CMYA5: variants seen among roughly 807,000 people sequenced by gnomAD.
CMYA5 encodes cardiomyopathy-associated protein 5.
In CMYA5, 246 loss-of-function variants were observed where a neutral mutation model predicts 318.9. That is an observed-to-expected ratio of 0.77 (90% CI 0.70 to 0.86). The LOEUF (loss-of-function observed/expected upper bound fraction) is 0.86. Among genes scored for constraint, CMYA5 ranks in the 40% least tolerant of loss-of-function variants. CMYA5 has a pLI of 0.00. For missense variants in CMYA5, 4,589 were observed against 4,678.2 expected (o/e 0.98, Z 0.56); for synonymous variants, 1,641 against 1,729.5 (o/e 0.95, Z 1.27).
chr5:79,750,330 C>T (rs1828406792), intron 5 of CMYA5, among the ~76,000 whole-genome samples: 1 of 152,106 alleles, frequency 6.6e-6, no homozygotes, highest in South Asian at 2.1e-4. Flanking sequence ...TTTTCTTTAG[C>T]TTATTTGATT....
chr5:79,732,261 C>T lies in CMYA5; in HGVS notation c.3496C>T (p.Pro1166Ser), dbSNP rs780793382. ...QSSIVKEETK[P>S]ASPHSVLPDS... ...ATCTATAGTAAAGGAAGAAACCAAACCTGCATCTCCACATTCAGTTTTACC... is the reference window on the plus strand; with the variant it reads ...ATCTATAGTAAAGGAAGAAACCAAATCTGCATCTCCACATTCAGTTTTACC... The change falls in exon 2 of 13, where the codon CCT (proline) becomes TCT (serine). Residue 1166 changes from proline to serine, a missense_variant. Transcript: ENST00000446378. 44 of 1,613,780 alleles carry T rather than the reference C, an allele frequency of 2.7e-5. No homozygotes were observed. The highest frequency in any genetic ancestry group is 1.7e-4 in the Admixed American group (10 of 59,962).
intron 1 of CMYA5, among the ~76,000 whole-genome samples, chr5:79,697,538 C>G (rs948923662): frequency 2.0e-5 from 3 of 152,200 alleles, no homozygotes; most frequent in Non-Finnish European, 4.4e-5. Context: ...CTTCCAAGCA[C>G]TATCACTTGT....
chr5:79,778,813 G>GTGTGTGTGTGTGTGTGTGTGTGTGTGTA (rs1561228868), intron 9 of CMYA5, among the ~76,000 whole-genome samples: 1 of 99,990 alleles, frequency 1.0e-5, no homozygotes, highest in African/African-American at 5.5e-5. Flanking sequence ...CTCTCTTTCT[G>GTGTGTGTGTGTGTGTGTGTGTGTGTGTA]TGTGTGTGTG....
intron 2 of CMYA5, among the ~76,000 whole-genome samples, chr5:79,741,620 C>G (rs1474810007): frequency 6.6e-6 from 1 of 152,058 alleles, no homozygotes; most frequent in African/African-American, 2.4e-5. Context: ...AAATCTCAGA[C>G]GTCACATGCA....
Position 79,734,740 on chromosome 5 carries a change from A to G in CMYA5, c.5975A>G (p.Lys1992Arg). The change falls in exon 2 of 13, where the codon AAG becomes AGG. Residue 1992 changes from lysine to arginine, a missense_variant. Lys to Arg is a conservative substitution (Grantham distance 26). Around this residue, in one of 3 missense-constraint regions of CMYA5, gnomAD observed 2,431 missense variants for 2,495.1 expected, o/e 0.97. Coordinates refer to ENST00000446378, the MANE Select transcript of CMYA5 (RefSeq NM_153610.5). ...GAAGTAAAGCTGGCTGAAGAACCAA[A>G]GTCTTTAGTCCTAGCTGGAAATGTA... ...SEEVKLAEEP[K>R]SLVLAGNVER... The G allele has an allele frequency of 6.2e-7, 1 of 1,613,830 alleles. No individual in the cohort carries two copies. Among genetic ancestry groups the G allele is most frequent in the Non-Finnish European group, 8.5e-7 (1 of 1,179,806 alleles).
intron 1 of CMYA5, among the ~76,000 whole-genome samples, chr5:79,694,387 T>C (rs1827028277): frequency 6.6e-6 from 1 of 152,208 alleles, no homozygotes; most frequent in African/African-American, 2.4e-5. Flanking sequence ...CAGAAGTAAA[T>C]AGGACTGTTA....
At chr5:79,697,488 G>A (rs1827090048) in intron 1 of CMYA5, among the ~76,000 whole-genome samples, 1 of 152,236 alleles carries the variant, frequency 6.6e-6, no homozygotes, top group Non-Finnish European at 1.5e-5. Context: ...GCCCAGATAA[G>A]AGGAGGGAAA....
chr5:79,733,939 C>A lies in CMYA5; in HGVS notation c.5174C>A (p.Ser1725Ter). The change falls in exon 2 of 13, where the codon TCG becomes TAG. Residue 1725 changes from serine to a stop codon, truncating the protein, a stop_gained. Transcript: ENST00000446378. LOFTEE classifies it high-confidence loss of function. The part of the protein sequence containing the change: ...PFSPKIISLE[S>*]KEPPASVAEG... ...TCTCCCAAGATCATCAGCCTAGAGT[C>A]GAAAGAACCACCTGCCTCTGTAGCT... The A allele has an allele frequency of 6.2e-7, 1 of 1,613,376 alleles. No homozygotes were observed. Among genetic ancestry groups the A allele is most frequent in the Admixed American group, 1.7e-5 (1 of 59,948 alleles).
chr5:79,720,548 T>C (rs1827605501), intron 1 of CMYA5, among the ~76,000 whole-genome samples: 1 of 150,802 alleles, frequency 6.6e-6, no homozygotes, highest in African/African-American at 2.4e-5. Flanking sequence ...GCAATTCTCC[T>C]GCCTCAGCTT....
intron 5 of CMYA5, among the ~76,000 whole-genome samples, chr5:79,749,345 C>T (rs1311317928): frequency 6.6e-6 from 1 of 152,204 alleles, no homozygotes; most frequent in African/African-American, 2.4e-5. Flanking sequence ...AAAAGCTTTC[C>T]ATGTCCTCAA....
At chr5:79,751,982 C>A (rs901525186) in intron 5 of CMYA5, among the ~76,000 whole-genome samples, 1 of 152,186 alleles carries the variant, frequency 6.6e-6, no homozygotes, top group Non-Finnish European at 1.5e-5. Flanking sequence ...GGAAATGAAG[C>A]CTTTTTGTCA....
chr5:79,757,194 CAA>C (rs35929144), intron 6 of CMYA5, among the ~76,000 whole-genome samples: 25 of 84,444 alleles, frequency 3.0e-4, no homozygotes, highest in Non-Finnish European at 2.5e-4. Flanking sequence ...GACTCCATCT[CAA>C]AAAAAAAAAA....
intron 2 of CMYA5, among the ~76,000 whole-genome samples, chr5:79,740,778 C>G (rs144952769): frequency 6.6e-6 from 1 of 152,300 alleles, no homozygotes; most frequent in Admixed American, 6.5e-5. Flanking sequence ...CTCTTTAATC[C>G]ATTCTCCATA....
chr5:79,791,389 T>A (rs1829175984), intron 11 of CMYA5, among the ~76,000 whole-genome samples: 1 of 152,150 alleles, frequency 6.6e-6, no homozygotes, highest in South Asian at 2.1e-4. Flanking sequence ...TTATTATTTT[T>A]CTATAGCAAA....
Position 79,730,585 on chromosome 5 carries a change from A to C in CMYA5, c.1820A>C (p.Glu607Ala). ...EYSVPQDLNH[E>A]LQEQEGEPVP... ...TCAGTACCACAGGATTTGAACCATG[A>C]ATTACAGGAGCAAGAAGGTGAGCCA... The change falls in exon 2 of 13, where the codon GAA (glutamate) becomes GCA (alanine). Residue 607 changes from glutamate (E) to alanine (A), a missense_variant. By Grantham distance (107) the Glu-to-Ala change is moderately radical. This residue lies in a region of CMYA5 where 2,132 missense variants were observed against 2,131.3 expected (regional missense o/e 1.00). Transcript: ENST00000446378. 1 of 1,614,040 alleles carries C rather than the reference A, an allele frequency of 6.2e-7. No individual in the cohort carries two copies. Among genetic ancestry groups the C allele is most frequent in the Admixed American group, 1.7e-5 (1 of 60,020 alleles).
chr5:79,763,708 A>T (rs1156705004), intron 9 of CMYA5, among the ~76,000 whole-genome samples: 1 of 152,192 alleles, frequency 6.6e-6, no homozygotes, highest in African/African-American at 2.4e-5. Flanking sequence ...TCTTCTAGGA[A>T]AAAAGAAATG....
At chr5:79,697,648 G>T (rs1431877492) in intron 1 of CMYA5, among the ~76,000 whole-genome samples, 1 of 152,170 alleles carries the variant, frequency 6.6e-6, no homozygotes, top group Non-Finnish European at 1.5e-5. Context: ...AAGTAGCACA[G>T]CTAGCATTCT....
chr5:79,699,409 T>C (rs938551974), intron 1 of CMYA5, among the ~76,000 whole-genome samples: 2 of 152,050 alleles, frequency 1.3e-5, no homozygotes, highest in Admixed American at 6.6e-5. Flanking sequence ...TGCAAGTCCA[T>C]AGGGAGAGAT....
chr5:79,775,837 C>T (rs1297683717), intron 9 of CMYA5, among the ~76,000 whole-genome samples: 1 of 152,058 alleles, frequency 6.6e-6, no homozygotes, highest in Non-Finnish European at 1.5e-5. Flanking sequence ...GAATTGTTTG[C>T]CTGTGTGACT....
Sources: gnomAD v4.1 joint callset for allele counts (sites outside exome capture counted in the v4.1 genomes callset) on GRCh38, gnomAD v4.1.1 for gene constraint, gnomAD v4.1.1 regional missense constraint, MANE v1.5 for transcripts, NCBI Gene and HGNC (gene_info 2026-07-23, HGNC 2026-07-21) for gene names.